Variants in FAM181A observed in about 807,000 individuals in gnomAD.
FAM181A encodes the protein protein FAM181A.
A neutral mutation model predicts 16.3 loss-of-function variants in FAM181A; 7 were observed. That is an observed-to-expected ratio of 0.43 (90% CI 0.24 to 0.81). The LOEUF (loss-of-function observed/expected upper bound fraction) is 0.81, where lower values mean the gene tolerates loss of function less well. Among genes scored for constraint, FAM181A ranks in the 30% least tolerant of loss-of-function variants. FAM181A has a pLI of 0.24. For missense variants in FAM181A, 349 were observed against 377.5 expected, an observed-to-expected ratio of 0.92 and a Z score of 0.63; for synonymous variants, 183 against 164.9, an observed-to-expected ratio of 1.11 and a Z score of -0.84.
At chr14:93,925,302 G>C (rs750184824), upstream of FAM181A, 2 of 1,613,722 alleles carry the variant, frequency 1.2e-6, no homozygotes, top group African/African-American at 2.7e-5. Context: ...ATCTTCTGGA[G>C]AGAGGAATGA....
intron 1 of FAM181A, 26 bp downstream of exon 1, chr14:93,927,480 G>A: frequency 7.9e-7 from 1 of 1,259,938 alleles, no homozygotes; most frequent in Non-Finnish European, 1.0e-6. Flanking sequence ...CGGTGGCTCT[G>A]GCCCGACTGG....
At chr14:93,927,169 G>T, upstream of FAM181A, 1 of 533,872 alleles carries the variant, frequency 1.9e-6, no homozygotes. Flanking sequence ...GATTGCATTT[G>T]GGAGCTGTCT....
rs1392322507 is a variant in FAM181A at position 93,929,058 on chromosome 14, ATG to A, written c.776_777del (p.Val259GlyfsTer124). 14 of 1,591,780 alleles carry A rather than the reference ATG, an allele frequency of 8.8e-6. No individual in the cohort carries two copies. In the East Asian group the frequency reaches 2.9e-4, roughly 33 times the overall value. On this transcript the variant is annotated frameshift_variant, in exon 2 of 2. Transcript: ENST00000556222. LOFTEE classifies it high-confidence loss of function. ...GGGGAGCTGGCGCACCTCTGCAAGG[ATG>A]TGGACGGCCTGGGGCAGAAGGTGTG...
upstream of FAM181A, chr14:93,925,429 C>G: frequency 6.7e-7 from 1 of 1,500,978 alleles, no homozygotes; most frequent in Non-Finnish European, 9.1e-7. Flanking sequence ...CTGTGCACAC[C>G]AGCCTCACAC....
In FAM181A at chr14:93,928,251, C is replaced by T. The variant is rs1292607837; in HGVS notation, c.-35C>T. On this transcript the variant is annotated 5_prime_UTR_variant, in exon 2 of 2. Transcript: ENST00000556222. ...GCCGGCCACCAGCAGAGCCTACCCT[C>T]TTCATGGAAAGCCTCGTGCAGTGGC... 1 of 1,613,838 alleles carries T rather than the reference C, an allele frequency of 6.2e-7. No homozygotes were observed. Among genetic ancestry groups the T allele is most frequent in the Non-Finnish European group, 8.5e-7 (1 of 1,180,016 alleles).
chr14:93,925,441 G>T, upstream of FAM181A: 1 of 1,430,322 alleles, frequency 7.0e-7, no homozygotes, highest in Non-Finnish European at 9.6e-7. Context: ...GCCTCACACA[G>T]TAGGCAGCAG....
rs774635941 is a variant in FAM181A, at chr14:93,928,569, G to A, written c.284G>A (p.Cys95Tyr). Residue 95 changes from cysteine to tyrosine, a missense_variant, in exon 2 of 2, where the codon TGC becomes TAC. Physicochemically the swap from Cys to Tyr is radical, Grantham distance 194. Coordinates refer to ENST00000556222, the MANE Select transcript of FAM181A (RefSeq NM_001207073.2). ...PDSSPGGGGGCKEKVLRNPYR... is the reference protein window; with the variant it reads ...PDSSPGGGGGYKEKVLRNPYR... ...TCCAGCCCCGGCGGGGGTGGGGGCT[G>A]CAAGGAGAAGGTGCTGAGGAACCCC... 1.9e-6 allele frequency: 3 copies of A among 1,613,460 alleles called. No homozygotes were observed. Among genetic ancestry groups the A allele is most frequent in the Admixed American group, 1.7e-5 (1 of 60,010 alleles).
chr14:93,921,789 T>C (rs1333131727), intron 1 of FAM181A, among the ~76,000 whole-genome samples: 2 of 151,904 alleles, frequency 1.3e-5, no homozygotes, highest in Non-Finnish European at 2.9e-5. Flanking sequence ...CTCATATTGG[T>C]TCACAGTTGT....
chr14:93,927,806 GC>G (rs990499441), intron 1 of FAM181A, among the ~76,000 whole-genome samples: 2 of 152,032 alleles, frequency 1.3e-5, no homozygotes, highest in African/African-American at 4.8e-5. Context: ...AGGAACAGTT[GC>G]CTCAGCTCAG....
At chr14:93,927,496 G>A (rs1030625691) in intron 1 of FAM181A, 42 bp downstream of exon 1, 97 of 1,269,580 alleles carry the variant, frequency 7.6e-5, no homozygotes, top group Admixed American at 1.9e-4. Flanking sequence ...ACTGGGTGGC[G>A]GGTGTGGGGG....
chr14:93,927,604 G>A (rs1027419304), intron 1 of FAM181A, 150 bp downstream of exon 1: 7 of 1,287,006 alleles, frequency 5.4e-6, no homozygotes, highest in African/African-American at 1.5e-5. Flanking sequence ...CCTGCTGCCC[G>A]CAGCCTGAGA....
At position 93,928,832 on chromosome 14, in the gene FAM181A, C is replaced by T; in HGVS notation, c.547C>T (p.Leu183=). 6.2e-7 allele frequency: 1 copy of T among 1,614,056 alleles called. No homozygotes were observed. Among genetic ancestry groups the T allele is most frequent in the African/African-American group, 1.3e-5 (1 of 75,056 alleles). Residue 183 remains leucine, a synonymous_variant, in exon 2 of 2, where the codon CTG becomes TTG. Transcript: ENST00000556222. ...GLEPLGPETT[L]VSMSPRALAE... ...GGAGCCCCTGGGACCTGAGACTACC[C>T]TGGTGTCCATGTCTCCAAGGGCCCT...
At position 93,929,487 on chromosome 14, in the gene FAM181A, C is replaced by G. The variant is rs145841226; in HGVS notation, c.*323C>G. 1.4e-5 allele frequency: 5 copies of G among 352,624 alleles called. No homozygotes were observed. The highest frequency in any genetic ancestry group is 2.5e-5 in the Non-Finnish European group (5 of 196,214). The allele number at this position is 352,624 out of a possible 1,614,324, so 21.8% of individuals were successfully genotyped here. ...GCAGTCACCCCAGAAGCCAGAGAGA[C>G]GCATCTGTTTACCTGCCACCCACTC... On this transcript the variant is annotated 3_prime_UTR_variant, in exon 2 of 2. Coordinates refer to ENST00000556222, the MANE Select transcript of FAM181A (RefSeq NM_001207073.2).
At chr14:93,920,532 T>C (rs1887686596) in intron 1 of FAM181A, among the ~76,000 whole-genome samples, 1 of 152,198 alleles carries the variant, frequency 6.6e-6, no homozygotes, top group Non-Finnish European at 1.5e-5. Flanking sequence ...GTAAATGTTA[T>C]GATGTTATAT....
At chr14:93,921,262 A>G (rs1219542891) in intron 1 of FAM181A, among the ~76,000 whole-genome samples, 1 of 152,178 alleles carries the variant, frequency 6.6e-6, no homozygotes, top group African/African-American at 2.4e-5. Flanking sequence ...GTACAATAAT[A>G]TGGTTGAAAG....
At chr14:93,926,818 CAG>C (rs367636522), upstream of FAM181A, 1,346 of 152,138 alleles carry the variant, frequency 8.8e-3, 18 homozygotes, top group African/African-American at 0.03. The surrounding 1 kb of genome is among the most constrained non-coding windows in gnomAD (Gnocchi z 5.2). Flanking sequence ...CAGGGGGAGA[CAG>C]AGAGAGAGAC....
chr14:93,922,774 G>A (rs998501077), upstream of FAM181A, among the ~76,000 whole-genome samples: 1 of 152,172 alleles, frequency 6.6e-6, no homozygotes, highest in Non-Finnish European at 1.5e-5. Context: ...TTTTGTAAAT[G>A]TTCTGCAACC....
chr14:93,927,370 C>G lies in FAM181A; in HGVS notation c.-172C>G. The G allele has an allele frequency of 8.8e-7, 1 of 1,133,828 alleles. No individual in the cohort carries two copies. The allele number at this position is 1,133,828 out of a possible 1,614,324, so 70.2% of individuals were successfully genotyped here. A position where few individuals can be genotyped will look rare whatever the true frequency, so the allele number is the denominator to read the frequency against. The stretch of plus-strand genomic sequence containing the variant: ...CACAACTGCTTCCAGCCGGACGGAG[C>G]TCGGCCGGCTGCGCCGGGGCCTGTC... On this transcript the variant is annotated 5_prime_UTR_variant, in exon 1 of 2. Coordinates refer to ENST00000556222, the MANE Select transcript of FAM181A (RefSeq NM_001207073.2).
chr14:93,925,728 C>T (rs545557198), upstream of FAM181A, among the ~76,000 whole-genome samples: 2 of 151,994 alleles, frequency 1.3e-5, no homozygotes, highest in East Asian at 3.9e-4. Flanking sequence ...TCTCGGTCCA[C>T]ACTTCCCCGA....
Sources: gnomAD v4.1 joint callset for allele counts (sites outside exome capture counted in the v4.1 genomes callset) on GRCh38, gnomAD v4.1.1 for gene constraint, Gnocchi (gnomAD v3.1) non-coding constraint, MANE v1.5 for transcripts, NCBI Gene and HGNC (gene_info 2026-07-23, HGNC 2026-07-21) for gene names.